RUSC2: variants seen among roughly 807,000 people sequenced by gnomAD.
The protein encoded by RUSC2 is RUN and SH3 domain containing 2.
RUSC2 carries 34 observed loss-of-function variants against 122.2 expected under a neutral mutation model. That is an observed-to-expected ratio of 0.28 (90% CI 0.21 to 0.37). The LOEUF is 0.37. Among genes scored for constraint, RUSC2 ranks in the 10% least tolerant of loss-of-function variants. The pLI, the probability that RUSC2 is intolerant of heterozygous loss-of-function variation, is 1.00. For synonymous variants in RUSC2, 784 were observed against 790.0 expected (o/e 0.99, Z 0.13); for missense variants, 1,747 against 1,952.4 (o/e 0.89, Z 1.98).
At position 35,558,522 on chromosome 9, in the gene RUSC2, C is replaced by G; in HGVS notation, c.3296C>G (p.Thr1099Ser). 1 of 1,614,184 alleles carries G rather than the reference C, an allele frequency of 6.2e-7. No homozygotes were observed. The highest frequency in any genetic ancestry group is 1.3e-5 in the African/African-American group (1 of 75,042). Residue 1099 changes from threonine (T) to serine (S), a missense_variant, in exon 8 of 12, where the codon ACC becomes AGC. Thr to Ser is a moderately conservative substitution (Grantham distance 58). Transcript: ENST00000361226. This position sits in a 1 kb window ranked among gnomAD's most constrained non-coding sequence, Gnocchi z 4.3. ...YNKVSQFPEL[T>S]SHTMRFNAFI... Reference sequence around the variant, plus strand: ...AAAGTCAGCCAATTCCCAGAGCTCACCAGTCATACCATGCGCTTCAACGCC... The same window carrying G: ...AAAGTCAGCCAATTCCCAGAGCTCAGCAGTCATACCATGCGCTTCAACGCC...
At position 35,548,617 on chromosome 9, in the gene RUSC2, G is replaced by T; in HGVS notation, c.2014+82G>T. The T allele has an allele frequency of 6.8e-7, 1 of 1,466,626 alleles. No individual in the cohort carries two copies. The highest frequency in any genetic ancestry group is 9.0e-7 in the Non-Finnish European group (1 of 1,115,206). 90.9% of individuals were successfully genotyped at this position (1,466,626 alleles called of 1,614,324 possible). On this transcript the variant is annotated intron_variant, in intron 2 of 11. Transcript: ENST00000361226. The surrounding 1 kb of genome is among the most constrained non-coding windows in gnomAD (Gnocchi z 4.5). Reference sequence around the variant, plus strand: ...CCACCTCCCTGACAGGTCCCTGCCAGACCACCCCATCCATACCACTAGAGG... The same window carrying T: ...CCACCTCCCTGACAGGTCCCTGCCATACCACCCCATCCATACCACTAGAGG...
rs768188929 is a variant in RUSC2 at position 35,558,459 on chromosome 9, C to T, written c.3236-3C>T. 6.2e-7 allele frequency: 1 copy of T among 1,614,100 alleles called. No homozygotes were observed. Among genetic ancestry groups the T allele is most frequent in the Non-Finnish European group, 8.5e-7 (1 of 1,179,998 alleles). Reference sequence around the variant, plus strand: ...GTGACCTGCAACCCTGGCTTCCTCCCAGGCCCATCCACCAAGGTCCTGCAT... The same window carrying T: ...GTGACCTGCAACCCTGGCTTCCTCCTAGGCCCATCCACCAAGGTCCTGCAT... On this transcript the variant is annotated splice_polypyrimidine_tract_variant and splice_region_variant and intron_variant, in intron 7 of 11. Transcript: ENST00000361226. The surrounding 1 kb of genome is among the most constrained non-coding windows in gnomAD (Gnocchi z 4.3).
At chr9:35,513,913 T>C (rs1163509223) in intron 1 of RUSC2, among the ~76,000 whole-genome samples, 1 of 141,446 alleles carries the variant, frequency 7.1e-6, no homozygotes, top group Non-Finnish European at 1.5e-5. Context: ...CATATATATA[T>C]ATATATATAT....
rs531898290 is a variant in RUSC2 at position 35,493,734 on chromosome 9, C to T, written c.-93+3562C>T. On this transcript the variant is annotated intron_variant, in intron 1 of 11. Transcript: ENST00000361226. ...GCCAGGCTGGTCTCGAACTTCTGAC[C>T]TCAAGTGATCCACTAGCCTCAGCCT... is the stretch of plus-strand genomic sequence containing the variant. Among the ~76,000 whole-genome samples the T allele has an allele frequency of 7.2e-5, 11 of 152,230 alleles. No homozygotes were observed. The South Asian group carries it at 2.3e-3, about 32-fold the overall frequency.
At chr9:35,504,750 C>T (rs1422033490) in intron 1 of RUSC2, among the ~76,000 whole-genome samples, 2 of 152,158 alleles carry the variant, frequency 1.3e-5, no homozygotes, top group East Asian at 3.8e-4. Context: ...TAGGCATGAG[C>T]CACCATACCC....
At chr9:35,503,266 C>T (rs780659998) in intron 1 of RUSC2, among the ~76,000 whole-genome samples, 1 of 152,146 alleles carries the variant, frequency 6.6e-6, no homozygotes, top group African/African-American at 2.4e-5. Context: ...ACCACCCCCG[C>T]CGTTACTCCT....
At chr9:35,504,569 G>T (rs570038454) in intron 1 of RUSC2, among the ~76,000 whole-genome samples, 1 of 151,550 alleles carries the variant, frequency 6.6e-6, no homozygotes, top group Non-Finnish European at 1.5e-5. Flanking sequence ...AGGTTCAAGC[G>T]ATTCTCCTGC....
Position 35,555,710 on chromosome 9 carries a change from TC to T in RUSC2, c.2656+11del. The stretch of plus-strand genomic sequence containing the variant: ...CACCAGGCCCAGTAATGGTACGAGC[TC>T]CAGCATCTCCCTACCCAACCCGCCA... On this transcript the variant is annotated intron_variant, in intron 3 of 11. Transcript: ENST00000361226. This position sits in a 1 kb window ranked among gnomAD's most constrained non-coding sequence, Gnocchi z 4.6. 1 of 1,575,932 alleles carries T rather than the reference TC, an allele frequency of 6.3e-7. No homozygotes were observed. Among genetic ancestry groups the T allele is most frequent in the Non-Finnish European group, 8.5e-7 (1 of 1,173,566 alleles).
chr9:35,544,969 A>G (rs1437855016), intron 1 of RUSC2, among the ~76,000 whole-genome samples: 3 of 152,190 alleles, frequency 2.0e-5, no homozygotes, highest in African/African-American at 4.8e-5. Flanking sequence ...TGGAAGTTCA[A>G]CAGAGGAGCC....
chr9:35,555,966 C>T lies in RUSC2; in HGVS notation c.2671C>T (p.Pro891Ser), dbSNP rs2131696959. The T allele has an allele frequency of 1.9e-6, 3 of 1,614,186 alleles. No homozygotes were observed. Among genetic ancestry groups the T allele is most frequent in the Non-Finnish European group, 2.5e-6 (3 of 1,180,002 alleles). Residue 891 changes from proline (P) to serine (S), a missense_variant, in exon 4 of 12, where the codon CCT becomes TCT. By Grantham distance (74) the Pro-to-Ser change is moderately conservative. Coordinates refer to ENST00000361226, the MANE Select transcript of RUSC2 (RefSeq NM_014806.5). This position sits in a 1 kb window ranked among gnomAD's most constrained non-coding sequence, Gnocchi z 4.6. ...TCTGCTTCCAGCCAACCACCTATCC[C>T]CTCAAGCCCTCAAGTGGCGGGAATA... ...TRPSNANHLS[P>S]QALKWREYRR...
At chr9:35,514,479 A>G (rs1199962625) in intron 1 of RUSC2, among the ~76,000 whole-genome samples, 1 of 152,194 alleles carries the variant, frequency 6.6e-6, no homozygotes, top group Non-Finnish European at 1.5e-5. Flanking sequence ...TGAAAGTGAT[A>G]TAAATAGACT....
intron 1 of RUSC2, among the ~76,000 whole-genome samples, chr9:35,528,933 T>TA (rs1005574445): frequency 6.6e-5 from 10 of 151,592 alleles, no homozygotes; most frequent in African/African-American, 1.9e-4. Context: ...AAAAAATTTT[T>TA]AAAAAAAAAT....
At chr9:35,545,092 A>AT (rs1415261547) in intron 1 of RUSC2, among the ~76,000 whole-genome samples, 3 of 152,160 alleles carry the variant, frequency 2.0e-5, no homozygotes, top group African/African-American at 4.8e-5. Flanking sequence ...TATTAGCCAT[A>AT]TTTTTTATGC....
intron 1 of RUSC2, among the ~76,000 whole-genome samples, chr9:35,497,325 T>G (rs984834802): frequency 6.6e-6 from 1 of 152,188 alleles, no homozygotes; most frequent in Non-Finnish European, 1.5e-5. Context: ...AACCCCTTAC[T>G]GATATGACCC....
chr9:35,555,770 A>G lies in RUSC2; in HGVS notation c.2656+69A>G, dbSNP rs756933982. On this transcript the variant is annotated intron_variant, in intron 3 of 11. Transcript: ENST00000361226. This position sits in a 1 kb window ranked among gnomAD's most constrained non-coding sequence, Gnocchi z 4.6. The stretch of plus-strand genomic sequence containing the variant: ...AAGCACTTCCACCACCTCCCCTTTG[A>G]GTGGTTGCTTACACTCTCACCTGGG... 4.3e-5 allele frequency: 66 copies of G among 1,518,354 alleles called. No individual in the cohort carries two copies. The highest frequency in any genetic ancestry group is 5.8e-5 in the Non-Finnish European group (66 of 1,137,248). The allele number at this position is 1,518,354 out of a possible 1,614,324, so 94.1% of individuals were successfully genotyped here.
At chr9:35,513,188 G>GTTT (rs1169906704) in intron 1 of RUSC2, among the ~76,000 whole-genome samples, 3 of 136,326 alleles carry the variant, frequency 2.2e-5, no homozygotes, top group Non-Finnish European at 3.3e-5. Flanking sequence ...ATTATACTTT[G>GTTT]TTTTGTTGTT....
At chr9:35,551,558 A>G (rs888831332) in intron 2 of RUSC2, among the ~76,000 whole-genome samples, 1 of 152,204 alleles carries the variant, frequency 6.6e-6, no homozygotes, top group Non-Finnish European at 1.5e-5. Flanking sequence ...TATGACTGGC[A>G]TTCTGAGGGC....
intron 1 of RUSC2, among the ~76,000 whole-genome samples, chr9:35,533,695 C>T (rs1821467819): frequency 6.6e-6 from 1 of 152,188 alleles, no homozygotes; most frequent in Non-Finnish European, 1.5e-5. Flanking sequence ...CTTGTCTGGA[C>T]ATATCATGTA....
intron 1 of RUSC2, among the ~76,000 whole-genome samples, chr9:35,529,316 A>C (rs937248625): frequency 2.0e-5 from 3 of 151,998 alleles, no homozygotes; most frequent in Admixed American, 2.0e-4. Context: ...GGAACACGGC[A>C]AACTGAAGGT....
Sources: allele counts gnomAD v4.1 joint callset (sites outside exome capture counted in the v4.1 genomes callset), GRCh38; gene constraint gnomAD v4.1.1; non-coding constraint Gnocchi (gnomAD v3.1); transcripts MANE v1.5; gene names NCBI Gene and HGNC (gene_info 2026-07-23, HGNC 2026-07-21).